Variants in TASOR observed in about 807,000 individuals in gnomAD.
TASOR encodes transcription activation suppressor.
A neutral mutation model predicts 178.6 loss-of-function variants in TASOR; 53 were observed. That is an observed-to-expected ratio of 0.30 (90% CI 0.24 to 0.37). The LOEUF (loss-of-function observed/expected upper bound fraction) is 0.37, where lower values mean the gene tolerates loss of function less well. Among genes scored for constraint, TASOR ranks in the 10% least tolerant of loss-of-function variants. The probability of loss-of-function intolerance (pLI) is 1.00; values close to 1 mark genes in which losing one functional copy is unlikely to be tolerated. For synonymous variants in TASOR, 713 were observed against 696.2 expected, an observed-to-expected ratio of 1.02 and a Z score of -0.38; for missense variants, 1,815 against 1,971.4, an observed-to-expected ratio of 0.92 and a Z score of 1.50.
At position 56,628,618 on chromosome 3, in the gene TASOR, T is replaced by C; in HGVS notation, c.3748-4A>G. 1 of 1,528,138 alleles carries C rather than the reference T, an allele frequency of 6.5e-7. No individual in the cohort carries two copies. Among genetic ancestry groups the C allele is most frequent in the Non-Finnish European group, 8.9e-7 (1 of 1,124,578 alleles). 94.7% of individuals were successfully genotyped at this position (1,528,138 alleles called of 1,614,324 possible). On this transcript the variant is annotated splice_polypyrimidine_tract_variant and splice_region_variant and intron_variant, in intron 18 of 23. Coordinates refer to ENST00000683822, the MANE Select transcript of TASOR (RefSeq NM_001365635.2). ...TGCCTAATTTGATAAGATATTCCTG[T>C]TAAAGAAAAACAACTAAATCAATAT...
chr3:56,632,104 A>G (rs2076927875), intron 18 of TASOR, among the ~76,000 whole-genome samples: 1 of 152,144 alleles, frequency 6.6e-6, no homozygotes, highest in African/African-American at 2.4e-5. Context: ...TTTCTATATG[A>G]TTGATCAAAT....
intron 1 of TASOR, 86 bp from the exon 2 acceptor site, chr3:56,673,811 T>G: frequency 1.7e-6 from 2 of 1,169,476 alleles, no homozygotes; most frequent in Non-Finnish European, 1.2e-6. Flanking sequence ...TTAATGTAAC[T>G]TTAAATACCA....
At position 56,633,285 on chromosome 3, in the gene TASOR, T is replaced by C; in HGVS notation, c.3506A>G (p.Glu1169Gly). 6.2e-7 allele frequency: 1 copy of C among 1,614,160 alleles called. No homozygotes were observed. Among genetic ancestry groups the C allele is most frequent in the Non-Finnish European group, 8.5e-7 (1 of 1,180,030 alleles). Residue 1169 changes from glutamate (E) to glycine (G), a missense_variant, in exon 18 of 24, where the codon GAG becomes GGG. Coordinates refer to ENST00000683822, the MANE Select transcript of TASOR (RefSeq NM_001365635.2). The stretch of plus-strand genomic sequence containing the variant: ...AATATGATCAGAAGTCACCATTAAC[T>C]CTGTGGCATGTTGAGGCTGGTTCAT... ...VEMNQPQHAT[E>G]LMVTSDHIVP...
chr3:56,675,797 A>G (rs1241983992), intron 1 of TASOR, among the ~76,000 whole-genome samples: 1 of 152,246 alleles, frequency 6.6e-6, no homozygotes, highest in Admixed American at 6.5e-5. Context: ...TAAAGGTAAC[A>G]GATGCAGCGA....
chr3:56,639,359 G>A (rs1213032090), intron 16 of TASOR, among the ~76,000 whole-genome samples: 1 of 151,822 alleles, frequency 6.6e-6, no homozygotes, highest in Non-Finnish European at 1.5e-5. Context: ...TTAAGAGTAT[G>A]TATTTATGTG....
chr3:56,633,501 C>T lies in TASOR; in HGVS notation c.3290G>A (p.Gly1097Glu). Reference sequence around the variant, plus strand: ...GTTAGGACTGACTGGTGGCAAATTCCCACCCTTGGCTGATGCTTTAATAAT... The same window carrying T: ...GTTAGGACTGACTGGTGGCAAATTCTCACCCTTGGCTGATGCTTTAATAAT... Reference protein sequence around the residue: ...TIIIKASAKGGNLPPVSPNDS... With the variant: ...TIIIKASAKGENLPPVSPNDS... Residue 1097 changes from glycine (G) to glutamate (E), a missense_variant, in exon 18 of 24, where the codon GGG (glycine) becomes GAG (glutamate). Physicochemically the swap from Gly to Glu is moderately conservative, Grantham distance 98 (BLOSUM62 -2). Transcript: ENST00000683822. 2 of 1,614,138 alleles carry T rather than the reference C, an allele frequency of 1.2e-6. No homozygotes were observed. The highest frequency in any genetic ancestry group is 1.7e-6 in the Non-Finnish European group (2 of 1,180,022).
chr3:56,638,797 G>C, intron 16 of TASOR, 32 bp from the exon 17 acceptor site: 4 of 1,607,264 alleles, frequency 2.5e-6, no homozygotes, highest in Non-Finnish European at 3.4e-6. Flanking sequence ...ACTCTCTTCA[G>C]ACATTAGTGA....
Position 56,628,485 on chromosome 3 carries a change from A to C in TASOR, c.3870+7T>G, listed in dbSNP as rs778800717. 3.1e-6 allele frequency: 5 copies of C among 1,597,394 alleles called. No individual in the cohort carries two copies. In the East Asian group the frequency reaches 1.1e-4, roughly 36 times the overall value. On this transcript the variant is annotated splice_region_variant and intron_variant, in intron 19 of 23. Transcript: ENST00000683822. ...ACCAAAGTAGTGAATTTGACTTAAT[A>C]GTCTACCTTGTGAATGAAACCTGCA...
At chr3:56,651,104 A>T (rs550751003) in intron 11 of TASOR, among the ~76,000 whole-genome samples, 1 of 152,246 alleles carries the variant, frequency 6.6e-6, no homozygotes, top group Admixed American at 6.5e-5. Flanking sequence ...CCAGAAATCC[A>T]TGGAGTACAA....
chr3:56,627,850 A>G (rs1165812543), intron 19 of TASOR, 109 bp from the exon 20 acceptor site: 3 of 875,560 alleles, frequency 3.4e-6, no homozygotes, highest in Non-Finnish European at 5.3e-6. Context: ...TGGCTCATCT[A>G]TATTAGTGGA....
intron 17 of TASOR, among the ~76,000 whole-genome samples, chr3:56,635,339 C>A (rs1441901781): frequency 6.6e-6 from 1 of 152,112 alleles, no homozygotes; most frequent in Non-Finnish European, 1.5e-5. Context: ...AATTGATAAA[C>A]CAGAAAATCC....
chr3:56,633,016 CATTACT>C, intron 18 of TASOR, 22 bp downstream of exon 18: 1 of 1,486,704 alleles, frequency 6.7e-7, no homozygotes, highest in South Asian at 1.3e-5. Flanking sequence ...GTTTGTACAG[CATTACT>C]ATTACCTTCT....
chr3:56,681,896 T>C (rs1435999289), intron 1 of TASOR, among the ~76,000 whole-genome samples: 1 of 152,226 alleles, frequency 6.6e-6, no homozygotes, highest in Non-Finnish European at 1.5e-5. Flanking sequence ...GACTTTTTTT[T>C]AACCTGAAGT....
At position 56,646,841 on chromosome 3, in the gene TASOR, A is replaced by G. The variant is rs757196006; in HGVS notation, c.1896T>C (p.Phe632=). 4.4e-6 allele frequency: 7 copies of G among 1,608,454 alleles called. No homozygotes were observed. Among genetic ancestry groups the G allele is most frequent in the Non-Finnish European group, 2.5e-6 (3 of 1,178,768 alleles). ...LFEENRKLQQ[F]SPLSDYEGQE... is the part of the protein sequence containing the mutation. ...GACCTTCATAATCTGAAAGTGGACT[A>G]AACTGCTGAAGTTTTCTATTTTCTT... The change falls in exon 14 of 24, where the codon TTT becomes TTC. Residue 632 remains phenylalanine, a synonymous_variant. Coordinates refer to ENST00000683822, the MANE Select transcript of TASOR (RefSeq NM_001365635.2).
chr3:56,670,939 T>TGAAAAAA (rs1433057207), intron 3 of TASOR, among the ~76,000 whole-genome samples: 1 of 32,758 alleles, frequency 3.1e-5, no homozygotes. Context: ...AGACTCCATC[T>TGAAAAAA]CAAAAAAAAA....
At chr3:56,653,383 A>C in intron 11 of TASOR, among the ~76,000 whole-genome samples, 1 of 151,740 alleles carries the variant, frequency 6.6e-6, no homozygotes, top group East Asian at 1.9e-4. Flanking sequence ...ATATGAAAGG[A>C]AAAGATATAC....
chr3:56,639,083 A>T (rs1578211526), intron 16 of TASOR, among the ~76,000 whole-genome samples: 3 of 152,176 alleles, frequency 2.0e-5, no homozygotes, highest in African/African-American at 7.2e-5. Flanking sequence ...CATCACCTAC[A>T]GGCCTCCTAC....
chr3:56,640,568 C>G lies in TASOR; in HGVS notation c.2620-438G>C, dbSNP rs368101122. ...ATTAATACAGGTTAGTTCCTCAGTG[C>G]CTACCTTACATACCCCAATAACCCT... On this transcript the variant is annotated intron_variant, in intron 15 of 23. Transcript: ENST00000683822. Among the ~76,000 whole-genome samples the G allele has an allele frequency of 1.4e-4, 22 of 152,108 alleles. No homozygotes were observed. In the East Asian group the frequency reaches 3.9e-3, roughly 27 times the overall value.
At chr3:56,679,619 G>A (rs1374344094) in intron 1 of TASOR, among the ~76,000 whole-genome samples, 1 of 152,178 alleles carries the variant, frequency 6.6e-6, no homozygotes, top group Non-Finnish European at 1.5e-5. Flanking sequence ...TTTAGTGCAT[G>A]AGCGCAATTA....
Sources: allele counts gnomAD v4.1 joint callset (sites outside exome capture counted in the v4.1 genomes callset), GRCh38; gene constraint gnomAD v4.1.1; transcripts MANE v1.5; gene names NCBI Gene and HGNC (gene_info 2026-07-23, HGNC 2026-07-21).